Variants in CYRIA observed in about 807,000 individuals in gnomAD.
CYRIA encodes CYFIP related Rac1 interactor A.
CYRIA carries 15 observed loss-of-function variants against 43.9 expected under a neutral mutation model. The ratio of observed to expected loss-of-function variants is 0.34; its 90% CI spans 0.23 to 0.53. The LOEUF is 0.53. CYRIA is among the 20% of genes least tolerant of loss of function. CYRIA has a pLI of 0.94. For synonymous variants in CYRIA, 117 were observed against 136.0 expected, an observed-to-expected ratio of 0.86 and a Z score of 0.97; for missense variants, 236 against 394.2, an observed-to-expected ratio of 0.60 and a Z score of 3.40.
At chr2:16,657,377 C>T (rs771137500) in intron 1 of CYRIA, among the ~76,000 whole-genome samples, 7 of 152,000 alleles carry the variant, frequency 4.6e-5, no homozygotes, top group Admixed American at 1.3e-4. Context: ...AAGCCACACT[C>T]AATAAAAAAT....
Position 16,559,591 on chromosome 2 carries a change from A to C in CYRIA, c.711-5T>G. 2 of 1,610,988 alleles carry C rather than the reference A, an allele frequency of 1.2e-6. No homozygotes were observed. Among genetic ancestry groups the C allele is most frequent in the Non-Finnish European group, 1.7e-6 (2 of 1,178,352 alleles). Reference sequence around the variant, plus strand: ...GTAAACCTACTTCTGTACTCCCTGCAAGAGAAGAAACAGCAGTGGCGTCAC... The same window carrying C: ...GTAAACCTACTTCTGTACTCCCTGCCAGAGAAGAAACAGCAGTGGCGTCAC... On this transcript the variant is annotated splice_region_variant and splice_polypyrimidine_tract_variant and intron_variant, in intron 9 of 11. Coordinates refer to ENST00000381323, the MANE Select transcript of CYRIA (RefSeq NM_030797.4).
intron 1 of CYRIA, among the ~76,000 whole-genome samples, chr2:16,651,913 G>A (rs1047155981): frequency 1.3e-5 from 2 of 152,110 alleles, no homozygotes; most frequent in African/African-American, 4.8e-5. Flanking sequence ...GTTCCATGAG[G>A]AAGGGGTTTA....
rs541811641 is a variant in CYRIA, at chr2:16,551,044, G to C, written c.*1892C>G. The C allele has an allele frequency of 6.6e-6, 1 of 152,112 alleles. No individual in the cohort carries two copies. Among genetic ancestry groups the C allele is most frequent in the Non-Finnish European group, 1.5e-5 (1 of 68,016 alleles). The allele number at this position is 152,112 out of a possible 1,614,324, so 9.4% of individuals were successfully genotyped here. ...ACCTAGCATATTTCTATTCTGATGA[G>C]AGAAACTCCATCCAAGCAGCTGTAC... is the stretch of plus-strand genomic sequence containing the variant. On this transcript the variant is annotated 3_prime_UTR_variant, in exon 12 of 12. Transcript: ENST00000381323.
At chr2:16,636,900 T>C (rs1669513405) in intron 1 of CYRIA, among the ~76,000 whole-genome samples, 1 of 152,122 alleles carries the variant, frequency 6.6e-6, no homozygotes, top group Non-Finnish European at 1.5e-5. Context: ...CACCTGAGCC[T>C]GGGAAGTTGA....
chr2:16,622,408 T>C (rs1000417043), intron 2 of CYRIA, among the ~76,000 whole-genome samples: 2 of 152,162 alleles, frequency 1.3e-5, no homozygotes, highest in Non-Finnish European at 2.9e-5. Flanking sequence ...TTTTAAATCG[T>C]TGGGGCTTAA....
intron 3 of CYRIA, among the ~76,000 whole-genome samples, chr2:16,575,759 C>T (rs563177358): frequency 5.8e-4 from 88 of 151,888 alleles, no homozygotes; most frequent in Middle Eastern, 3.4e-3. Context: ...GGGAGGCTGA[C>T]GCAGGAGAAT....
chr2:16,646,314 C>CA (rs1669819673), intron 1 of CYRIA, among the ~76,000 whole-genome samples: 1 of 152,230 alleles, frequency 6.6e-6, no homozygotes, highest in Non-Finnish European at 1.5e-5. Flanking sequence ...ACAAATATGA[C>CA]CATTTTCCAT....
intron 1 of CYRIA, among the ~76,000 whole-genome samples, chr2:16,642,926 A>G (rs1394193056): frequency 1.3e-5 from 2 of 151,662 alleles, no homozygotes; most frequent in African/African-American, 4.8e-5. Flanking sequence ...CATTTTTCCC[A>G]TTGACCTTTT....
chr2:16,662,799 G>T (rs1670293453), intron 1 of CYRIA, among the ~76,000 whole-genome samples: 1 of 152,202 alleles, frequency 6.6e-6, no homozygotes. Context: ...ACCCTCATGG[G>T]TGACCTAGTC....
intron 3 of CYRIA, among the ~76,000 whole-genome samples, chr2:16,582,642 A>C (rs969614907): frequency 6.6e-6 from 1 of 152,144 alleles, no homozygotes; most frequent in Non-Finnish European, 1.5e-5. Flanking sequence ...AGCTTCTTTC[A>C]CTTAGCACAA....
Position 16,590,068 on chromosome 2 carries a change from G to GCACACA in CYRIA, c.-10-1945_-10-1940dup, listed in dbSNP as rs70961461. ...TGTAGGAATATATTTGGGCATGCAT[G>GCACACA]CACACACACACACACACACACACAC... On this transcript the variant is annotated intron_variant, in intron 2 of 11. Coordinates refer to ENST00000381323, the MANE Select transcript of CYRIA (RefSeq NM_030797.4). Among the ~76,000 whole-genome samples, 258 of 147,802 alleles carry GCACACA rather than the reference G, an allele frequency of 1.7e-3. 1 individual carries two copies. Among genetic ancestry groups the GCACACA allele is most frequent in the African/African-American group, 5.6e-3 (227 of 40,574 alleles).
rs2103407929 is a variant in CYRIA, at chr2:16,559,544, G to A, written c.753C>T (p.Phe251=). 6.2e-7 allele frequency: 1 copy of A among 1,613,058 alleles called. No homozygotes were observed. The highest frequency in any genetic ancestry group is 1.1e-5 in the South Asian group (1 of 90,982). The change falls in exon 10 of 12, where the codon TTC becomes TTT. Residue 251 remains phenylalanine, a synonymous_variant. Coordinates refer to ENST00000381323, the MANE Select transcript of CYRIA (RefSeq NM_030797.4). The part of the protein sequence containing the change: ...SRFTSEETLM[F]CMRVMVGVII... ...TGACTCCCACCATCACCCTCATGCA[G>A]AACATCAGGGTCTCTTCACTCGTAA...
chr2:16,610,729 C>T (rs1411967423), intron 2 of CYRIA, among the ~76,000 whole-genome samples: 4 of 151,658 alleles, frequency 2.6e-5, no homozygotes, highest in Non-Finnish European at 5.9e-5. Flanking sequence ...ACAAGCATAA[C>T]CAAAATTTCT....
At chr2:16,593,058 T>C (rs1403893972) in intron 2 of CYRIA, among the ~76,000 whole-genome samples, 1 of 152,196 alleles carries the variant, frequency 6.6e-6, no homozygotes, top group East Asian at 1.9e-4. Context: ...ATGGAACTCT[T>C]GTCAGGACTA....
At chr2:16,608,597 C>G (rs1021883775) in intron 2 of CYRIA, among the ~76,000 whole-genome samples, 1 of 152,224 alleles carries the variant, frequency 6.6e-6, no homozygotes, top group Non-Finnish European at 1.5e-5. Flanking sequence ...AGTCATTGGA[C>G]TCTTTTGAAT....
At chr2:16,661,490 T>C (rs1319546206) in intron 1 of CYRIA, among the ~76,000 whole-genome samples, 2 of 152,210 alleles carry the variant, frequency 1.3e-5, no homozygotes, top group Admixed American at 6.5e-5. Context: ...CAAAGGAAGC[T>C]ACTTCTAGCA....
At chr2:16,624,693 A>T (rs1401336972) in intron 1 of CYRIA, among the ~76,000 whole-genome samples, 2 of 152,184 alleles carry the variant, frequency 1.3e-5, no homozygotes, top group Admixed American at 1.3e-4. Flanking sequence ...CATTTATTGC[A>T]GGGTTTTTTT....
At chr2:16,632,515 A>C (rs909261414) in intron 1 of CYRIA, among the ~76,000 whole-genome samples, 1 of 152,172 alleles carries the variant, frequency 6.6e-6, no homozygotes, top group African/African-American at 2.4e-5. Flanking sequence ...TATCGCTCAT[A>C]CTATTTTCTA....
intron 3 of CYRIA, among the ~76,000 whole-genome samples, chr2:16,574,521 G>A (rs1667255261): frequency 6.6e-6 from 1 of 152,194 alleles, no homozygotes; most frequent in African/African-American, 2.4e-5. Context: ...TTACAGGCCT[G>A]GAAGCCTAGG....
Sources: allele counts gnomAD v4.1 joint callset (sites outside exome capture counted in the v4.1 genomes callset), GRCh38; gene constraint gnomAD v4.1.1; transcripts MANE v1.5; gene names NCBI Gene and HGNC (gene_info 2026-07-23, HGNC 2026-07-21).